Variants in TNK2 observed in about 807,000 individuals in gnomAD.
TNK2 encodes the protein tyrosine kinase non receptor 2.
A neutral mutation model predicts 101.8 loss-of-function variants in TNK2; 83 were observed. The ratio of observed to expected loss-of-function variants is 0.82; its 90% CI spans 0.68 to 0.98. The LOEUF is 0.98. Among genes scored for constraint, TNK2 ranks in the 50% least tolerant of loss-of-function variants. TNK2 has a pLI of 0.00. For missense variants in TNK2, 1,665 were observed against 1,483.2 expected (o/e 1.12, Z -2.01); for synonymous variants, 804 against 633.0 (o/e 1.27, Z -4.06).
rs749322028 is a variant in TNK2, at chr3:195,867,606, C to T, written c.2692G>A (p.Glu898Lys). The T allele has an allele frequency of 1.6e-5, 25 of 1,595,884 alleles. No individual in the cohort carries two copies. Among genetic ancestry groups the T allele is most frequent in the Admixed American group, 5.0e-5 (3 of 59,596 alleles). The change falls in exon 13 of 16, where the codon GAG becomes AAG. Residue 898 changes from glutamate to lysine, a missense_variant. Physicochemically the swap from Glu to Lys is moderately conservative, Grantham distance 56 (BLOSUM62 1). Coordinates refer to ENST00000672887, the MANE Select transcript of TNK2 (RefSeq NM_001382273.1). ...GGCACAGGCAGGGGGGTAGGCTCCT[C>T]GGGGCTCTGGGCCTCACGCAGGAAG... Reference protein sequence around the residue: ...QRFLREAQSPEEPTPLPVPLL... With the variant: ...QRFLREAQSPKEPTPLPVPLL...
Position 195,885,354 on chromosome 3 carries a change from C to CGA in TNK2, c.235-322_235-321insTC. The CGA allele has an allele frequency of 1.5e-6, 2 of 1,374,298 alleles. No individual in the cohort carries two copies. Among genetic ancestry groups the CGA allele is most frequent in the Non-Finnish European group, 1.9e-6 (2 of 1,049,676 alleles). The allele number at this position is 1,374,298 out of a possible 1,614,324, so 85.1% of individuals were successfully genotyped here. A position where few individuals can be genotyped will look rare whatever the true frequency, so the allele number is the denominator to read the frequency against. ...CGCCCAGCCAAGGTCGGAGTCTCCT[C>CGA]CCAGTCCTGCCCCACCCTCCCTTCC... On this transcript the variant is annotated intron_variant, in intron 3 of 15. Transcript: ENST00000672887. The surrounding 1 kb of genome is among the most constrained non-coding windows in gnomAD (Gnocchi z 4.7).
chr3:195,897,387 G>A (rs1019149198), intron 1 of TNK2, among the ~76,000 whole-genome samples: 2 of 152,226 alleles, frequency 1.3e-5, no homozygotes, highest in African/African-American at 2.4e-5. Flanking sequence ...TCCAGGACAC[G>A]GGGGCCCACT....
Position 195,885,142 on chromosome 3 carries a change from G to C in TNK2, c.235-109C>G, listed in dbSNP as rs535776096. ...GATCCCCGGCTTCGGCTTCCAGATA[G>C]GTCCTGGTTTTGCCAAACTGTCAGT... is the stretch of plus-strand genomic sequence containing the variant. On this transcript the variant is annotated intron_variant, in intron 3 of 15. Coordinates refer to ENST00000672887, the MANE Select transcript of TNK2 (RefSeq NM_001382273.1). This position sits in a 1 kb window ranked among gnomAD's most constrained non-coding sequence, Gnocchi z 4.7. The C allele has an allele frequency of 1.4e-5, 18 of 1,251,808 alleles. No homozygotes were observed. The African/African-American group carries it at 2.7e-4, about 19-fold the overall frequency. The allele number at this position is 1,251,808 out of a possible 1,614,324, so 77.5% of individuals were successfully genotyped here.
rs1328208475 is a variant in TNK2, at chr3:195,878,985, G to A, written c.1014+64C>T. On this transcript the variant is annotated intron_variant, in intron 7 of 15. Coordinates refer to ENST00000672887, the MANE Select transcript of TNK2 (RefSeq NM_001382273.1). The surrounding 1 kb of genome is among the most constrained non-coding windows in gnomAD (Gnocchi z 4.7). ...GTGAGAGGCAGTTCCAGCAGGGCCAGGCTGCAAGCAGGGAATGGAATTCAC... is the reference window on the plus strand; with the variant it reads ...GTGAGAGGCAGTTCCAGCAGGGCCAAGCTGCAAGCAGGGAATGGAATTCAC... The A allele has an allele frequency of 1.9e-6, 3 of 1,588,342 alleles. No homozygotes were observed. Among genetic ancestry groups the A allele is most frequent in the Non-Finnish European group, 2.6e-6 (3 of 1,168,184 alleles).
chr3:195,894,406 G>C (rs1345338743), intron 1 of TNK2: 1 of 151,360 alleles, frequency 6.6e-6, no homozygotes, highest in African/African-American at 2.4e-5. Flanking sequence ...CGCCAGGCCG[G>C]CTCCTGGAAC....
intron 10 of TNK2, 124 bp downstream of exon 10, chr3:195,872,152 G>A (rs1372732448): frequency 5.5e-6 from 6 of 1,097,306 alleles, no homozygotes; most frequent in Non-Finnish European, 7.8e-6. Flanking sequence ...AGGGGAGAGT[G>A]GCGGGTCGGG....
At chr3:195,879,751 T>A (rs1577052353) in intron 6 of TNK2, among the ~76,000 whole-genome samples, 1 of 151,484 alleles carries the variant, frequency 6.6e-6, no homozygotes, top group Non-Finnish European at 1.5e-5. Flanking sequence ...GAGAGGAGGG[T>A]GGTGCCCAGA....
chr3:195,870,995 C>T (rs1371547952), intron 10 of TNK2, among the ~76,000 whole-genome samples: 3 of 90,306 alleles, frequency 3.3e-5, no homozygotes, highest in Non-Finnish European at 7.3e-5. Flanking sequence ...TGTGGGGGCC[C>T]GCTGTGTGGG....
rs1486387695 is a variant in TNK2 at position 195,886,682 on chromosome 3, G to C, written c.234+295C>G. The stretch of plus-strand genomic sequence containing the variant: ...CAACGCTCAGACACAGCAGGGCTAA[G>C]TTAAGGCACACTTGTCAATGAGGTC... On this transcript the variant is annotated intron_variant, in intron 3 of 15. Transcript: ENST00000672887. The surrounding 1 kb of genome is among the most constrained non-coding windows in gnomAD (Gnocchi z 4.2). Among the ~76,000 whole-genome samples the C allele has an allele frequency of 6.6e-6, 1 of 152,190 alleles. No individual in the cohort carries two copies.
intron 1 of TNK2, among the ~76,000 whole-genome samples, chr3:195,901,454 A>G (rs932152463): frequency 5.9e-5 from 9 of 152,172 alleles, no homozygotes; most frequent in African/African-American, 2.2e-4. Context: ...CACAGTATAC[A>G]GGGGACAGAG....
In TNK2 at chr3:195,867,192, G is replaced by A. The variant is rs753247115; in HGVS notation, c.3010C>T (p.Gln1004Ter). The part of the protein sequence containing the change: ...AALQCHGWSV[Q>*]RAAQYLKVEQ... ...ACCTTCAGATACTGGGCAGCCCTCTGCACGCTCCAGCCGTGGCACTGCAGG... is the reference window on the plus strand; with the variant it reads ...ACCTTCAGATACTGGGCAGCCCTCTACACGCTCCAGCCGTGGCACTGCAGG... The change falls in exon 14 of 16, where the codon CAG becomes TAG. Residue 1004 changes from glutamine to a stop codon, truncating the protein, a stop_gained. Coordinates refer to ENST00000672887, the MANE Select transcript of TNK2 (RefSeq NM_001382273.1). LOFTEE classifies it high-confidence loss of function. 4 of 1,612,854 alleles carry A rather than the reference G, an allele frequency of 2.5e-6. No individual in the cohort carries two copies. The highest frequency in any genetic ancestry group is 3.4e-6 in the Non-Finnish European group (4 of 1,179,916).
chr3:195,887,128 T>C (rs1448160095), intron 2 of TNK2, 81 bp from the exon 3 acceptor site: 3 of 1,447,580 alleles, frequency 2.1e-6, no homozygotes, highest in East Asian at 4.6e-5. Context: ...CCCTTGGGGG[T>C]GAGCCTGTCA....
At chr3:195,871,130 G>A (rs987304900) in intron 10 of TNK2, among the ~76,000 whole-genome samples, 1 of 151,936 alleles carries the variant, frequency 6.6e-6, no homozygotes, top group Non-Finnish European at 1.5e-5. Context: ...AAGGGCTGCA[G>A]AGGCCAGGGG....
Position 195,885,584 on chromosome 3 carries a change from G to A in TNK2, c.235-551C>T, listed in dbSNP as rs572227920. ...GATAATTTTAGTCTGAGGTTGAACCGTGAGTGTGTGTGTGGTTCAGATGAA... is the reference window on the plus strand; with the variant it reads ...GATAATTTTAGTCTGAGGTTGAACCATGAGTGTGTGTGTGGTTCAGATGAA... On this transcript the variant is annotated intron_variant, in intron 3 of 15. Coordinates refer to ENST00000672887, the MANE Select transcript of TNK2 (RefSeq NM_001382273.1). The surrounding 1 kb of genome is among the most constrained non-coding windows in gnomAD (Gnocchi z 4.7). 18 of 1,289,778 alleles carry A rather than the reference G, an allele frequency of 1.4e-5. No homozygotes were observed. The highest frequency in any genetic ancestry group is 1.1e-4 in the East Asian group (2 of 18,046). 79.9% of individuals were successfully genotyped at this position (1,289,778 alleles called of 1,614,324 possible).
chr3:195,896,569 G>C (rs12490307), intron 1 of TNK2, among the ~76,000 whole-genome samples: 29,763 of 152,180 alleles, frequency 0.2, 3,146 homozygotes, highest in Middle Eastern at 0.29. Context: ...AAAGCCGGGA[G>C]ACTGTAGAAG....
intron 11 of TNK2, 146 bp from the exon 12 acceptor site, chr3:195,869,687 A>T (rs978006005): frequency 1.2e-6 from 1 of 832,414 alleles, no homozygotes; most frequent in African/African-American, 1.7e-5. Flanking sequence ...GCCCCCAGCA[A>T]ACGGGAGGCC....
Position 195,870,206 on chromosome 3 carries a change from CTG to C in TNK2, c.1452-3_1452-2del. On this transcript the variant is annotated splice_acceptor_variant and splice_polypyrimidine_tract_variant and intron_variant, in intron 10 of 15. Coordinates refer to ENST00000672887, the MANE Select transcript of TNK2 (RefSeq NM_001382273.1). LOFTEE classifies it high-confidence loss of function. ...GTCCATGGGGTTTCCCAGATACAGT[CTG>C]TGGGGGAGAGAGCTGGGTCAAGAGA... The C allele has an allele frequency of 1.9e-6, 3 of 1,591,048 alleles. No homozygotes were observed.
At position 195,869,334 on chromosome 3, in the gene TNK2, A is replaced by AG. The variant is rs1018975175; in HGVS notation, c.1588+162dup. 5.3e-5 allele frequency: 39 copies of AG among 742,322 alleles called. 1 individual carries two copies. Among genetic ancestry groups the AG allele is most frequent in the East Asian group, 1.3e-4 (5 of 37,076 alleles). 46.0% of individuals were successfully genotyped at this position (742,322 alleles called of 1,614,324 possible). ...GCCCAGGCTCCGGGGGGCGGGCTCG[A>AG]GGGGGGGCAGGCATGCTAGGCCAGG... On this transcript the variant is annotated intron_variant, in intron 12 of 15. Transcript: ENST00000672887.
At position 195,870,166 on chromosome 3, in the gene TNK2, CAGG is replaced by C. The variant is rs1259966086; in HGVS notation, c.1488_1490del (p.Leu497del). ...GCCGGGAGGTGCTCAGTTCCACGCT[CAGG>C]AGGTCGGGGGGGTCCATGGGGTTTC... On this transcript the variant is annotated inframe_deletion, in exon 11 of 16. Coordinates refer to ENST00000672887, the MANE Select transcript of TNK2 (RefSeq NM_001382273.1). 2 of 1,521,158 alleles carry C rather than the reference CAGG, an allele frequency of 1.3e-6. No homozygotes were observed. The highest frequency in any genetic ancestry group is 1.8e-6 in the Non-Finnish European group (2 of 1,129,498). 94.2% of individuals were successfully genotyped at this position (1,521,158 alleles called of 1,614,324 possible). A position where few individuals can be genotyped will look rare whatever the true frequency, so the allele number is the denominator to read the frequency against.
Sources: gnomAD v4.1 joint callset for allele counts (sites outside exome capture counted in the v4.1 genomes callset) on GRCh38, gnomAD v4.1.1 for gene constraint, Gnocchi (gnomAD v3.1) non-coding constraint, MANE v1.5 for transcripts, NCBI Gene and HGNC (gene_info 2026-07-23, HGNC 2026-07-21) for gene names.